TRAPPC9: variants seen among roughly 807,000 people sequenced by gnomAD.
The protein encoded by TRAPPC9 is trafficking protein particle complex subunit 9.
A neutral mutation model predicts 124.0 loss-of-function variants in TRAPPC9; 83 were observed. The observed-to-expected ratio is 0.67, with a 90% confidence interval of 0.56 to 0.80. TRAPPC9 has a LOEUF of 0.80. Ranked by LOEUF, TRAPPC9 falls within the 30% of genes least tolerant of loss-of-function variation. TRAPPC9 has a pLI of 0.00. For synonymous variants in TRAPPC9, 638 were observed against 617.5 expected (o/e 1.03, Z -0.49); for missense variants, 1,302 against 1,508.3 (o/e 0.86, Z 2.27).
chr8:140,373,465 G>A (rs775198733), intron 7 of TRAPPC9, among the ~76,000 whole-genome samples: 5 of 152,162 alleles, frequency 3.3e-5, no homozygotes, highest in Non-Finnish European at 5.9e-5. Context: ...GCCCTTCAGC[G>A]GGAAGCTGCT....
rs1823058439 is a variant in TRAPPC9 at position 139,796,085 on chromosome 8, A to AAGGAGGAGGAAGAGGAGG, written c.3056-63901_3056-63884dup. ...GGAAGAAGAGGAGGAGGAAGAGGAGAAGGAGGAGGAAGAGGAGGAGGAAGA... is the reference window on the plus strand; with the variant it reads ...GGAAGAAGAGGAGGAGGAAGAGGAGAAGGAGGAGGAAGAGGAGGAGGAGGAGGAAGAGGAGGAGGAAGA... On this transcript the variant is annotated intron_variant, in intron 21 of 22. Transcript: ENST00000438773. Among the ~76,000 whole-genome samples, 4 of 106,518 alleles carry AAGGAGGAGGAAGAGGAGG rather than the reference A, an allele frequency of 3.8e-5. No individual in the cohort carries two copies. In the Admixed American group the frequency reaches 4.1e-4, roughly 11 times the overall value. 69.9% of individuals were successfully genotyped at this position (106,518 alleles called of 152,430 possible).
chr8:139,916,601 T>C (rs1328618742), intron 19 of TRAPPC9: 1 of 152,252 alleles, frequency 6.6e-6, no homozygotes, highest in Admixed American at 6.5e-5. Flanking sequence ...CAGAGTTAAA[T>C]AAAATTAATA....
intron 17 of TRAPPC9, among the ~76,000 whole-genome samples, chr8:140,048,415 G>C (rs931008784): frequency 6.6e-6 from 1 of 152,160 alleles, no homozygotes; most frequent in African/African-American, 2.4e-5. Flanking sequence ...GGGAGGAAGA[G>C]TAGGAAAGTC....
intron 19 of TRAPPC9, among the ~76,000 whole-genome samples, chr8:139,913,241 A>G (rs1831870820): frequency 6.6e-6 from 1 of 152,262 alleles, no homozygotes; most frequent in South Asian, 2.1e-4. Context: ...AGAAAAGGGA[A>G]GAAAACAAAA....
At chr8:140,267,376 G>A (rs1479647363) in intron 15 of TRAPPC9, among the ~76,000 whole-genome samples, 1 of 152,234 alleles carries the variant, frequency 6.6e-6, no homozygotes, top group Non-Finnish European at 1.5e-5. Context: ...GCTCGACGTT[G>A]TCCCAAGAGC....
chr8:140,186,484 G>C (rs929097109), intron 17 of TRAPPC9, among the ~76,000 whole-genome samples: 1 of 152,122 alleles, frequency 6.6e-6, no homozygotes, highest in South Asian at 2.1e-4. Context: ...TACTTGGGTA[G>C]CTGAGGCAGT....
chr8:139,865,604 GA>G (rs917324583), intron 21 of TRAPPC9, among the ~76,000 whole-genome samples: 4 of 152,154 alleles, frequency 2.6e-5, no homozygotes, highest in African/African-American at 4.8e-5. Context: ...GAAAGCTATG[GA>G]GACACGGCAG....
intron 21 of TRAPPC9, among the ~76,000 whole-genome samples, chr8:139,736,655 G>A (rs1818185933): frequency 7.0e-6 from 1 of 143,120 alleles, no homozygotes; most frequent in African/African-American, 3.0e-5. Context: ...AGGAAATGTG[G>A]TGGAAACGGG....
chr8:139,935,088 G>A (rs547802944), intron 19 of TRAPPC9, among the ~76,000 whole-genome samples: 8 of 152,242 alleles, frequency 5.3e-5, no homozygotes, highest in African/African-American at 9.6e-5. Flanking sequence ...CTCCCGGTAC[G>A]TGATCTCATG....
chr8:140,330,239 A>G (rs916637684), intron 9 of TRAPPC9, among the ~76,000 whole-genome samples: 7 of 152,058 alleles, frequency 4.6e-5, no homozygotes, highest in Non-Finnish European at 1.5e-5. Context: ...AGAGAAATCA[A>G]CTCAGCTTTT....
intron 21 of TRAPPC9, among the ~76,000 whole-genome samples, chr8:139,732,590 G>A (rs1817912800): frequency 6.6e-6 from 1 of 152,244 alleles, no homozygotes; most frequent in South Asian, 2.1e-4. Flanking sequence ...AAGTGCCGCA[G>A]GTCAGGGGTC....
chr8:140,163,499 C>T (rs932045991), intron 17 of TRAPPC9, among the ~76,000 whole-genome samples: 10 of 152,102 alleles, frequency 6.6e-5, no homozygotes, highest in Non-Finnish European at 8.8e-5. Context: ...ATCTGAGTGC[C>T]GAATGAAATA....
intron 17 of TRAPPC9, among the ~76,000 whole-genome samples, chr8:140,030,893 G>A (rs866083622): frequency 2.6e-5 from 4 of 152,080 alleles, no homozygotes. Flanking sequence ...AACTATGGAG[G>A]GTGATAAAAA....
intron 19 of TRAPPC9, among the ~76,000 whole-genome samples, chr8:139,959,835 G>A (rs1319563703): frequency 1.3e-5 from 2 of 152,164 alleles, no homozygotes; most frequent in Non-Finnish European, 2.9e-5. Context: ...CAGGCAGGTG[G>A]AGAACTTCAA....
chr8:139,728,162 C>T lies in TRAPPC9; in HGVS notation c.*2899G>A, dbSNP rs966236910. The stretch of plus-strand genomic sequence containing the variant: ...AACTTGTCCAAGGTCAAGGAGTTGA[C>T]AAGTGGCTGAGCTGGAGTTCAGCAT... On this transcript the variant is annotated 3_prime_UTR_variant, in exon 23 of 23. Coordinates refer to ENST00000438773, the MANE Select transcript of TRAPPC9 (RefSeq NM_001160372.4). Among the ~76,000 whole-genome samples, 4 of 152,194 alleles carry T rather than the reference C, an allele frequency of 2.6e-5. No individual in the cohort carries two copies. Among genetic ancestry groups the T allele is most frequent in the African/African-American group, 9.7e-5 (4 of 41,448 alleles).
At chr8:140,449,213 CAT>C (rs763206065) in intron 2 of TRAPPC9, among the ~76,000 whole-genome samples, 129 of 152,302 alleles carry the variant, frequency 8.5e-4, no homozygotes, top group Admixed American at 4.3e-3. Context: ...ATTTCAGAAA[CAT>C]ACTGAGCACC....
intron 21 of TRAPPC9, among the ~76,000 whole-genome samples, chr8:139,816,951 G>C (rs1339120344): frequency 1.3e-5 from 2 of 151,950 alleles, no homozygotes; most frequent in African/African-American, 4.8e-5. Flanking sequence ...TTTTGCTCCA[G>C]ATGATATGCA....
chr8:139,925,815 G>GCACACT (rs1464376237), intron 19 of TRAPPC9, among the ~76,000 whole-genome samples: 1 of 93,478 alleles, frequency 1.1e-5, no homozygotes, highest in Admixed American at 1.0e-4. Flanking sequence ...ACACGCACAC[G>GCACACT]CACACGCACA....
At chr8:140,243,148 G>A (rs1387625769) in intron 16 of TRAPPC9, among the ~76,000 whole-genome samples, 5 of 152,174 alleles carry the variant, frequency 3.3e-5, no homozygotes, top group African/African-American at 9.7e-5. Flanking sequence ...AGGAATCTGC[G>A]TTTTAGCAAA....
Sources: gnomAD v4.1 joint callset for allele counts (sites outside exome capture counted in the v4.1 genomes callset) on GRCh38, gnomAD v4.1.1 for gene constraint, MANE v1.5 for transcripts, NCBI Gene and HGNC (gene_info 2026-07-23, HGNC 2026-07-21) for gene names.